ZFHX4: variants seen among roughly 807,000 people sequenced by gnomAD.
The protein encoded by ZFHX4 is zinc finger homeobox 4.
A neutral mutation model predicts 267.6 loss-of-function variants in ZFHX4; 56 were observed. That is an observed-to-expected ratio of 0.21 (90% CI 0.17 to 0.26). The LOEUF (loss-of-function observed/expected upper bound fraction) is 0.26, where lower values mean the gene tolerates loss of function less well. ZFHX4 is among the 10% of genes least tolerant of loss of function. The probability of loss-of-function intolerance (pLI) is 1.00; values close to 1 mark genes in which losing one functional copy is unlikely to be tolerated. For missense variants in ZFHX4, 4,332 were observed against 4,420.0 expected (o/e 0.98, Z 0.56); for synonymous variants, 1,778 against 1,665.6 (o/e 1.07, Z -1.64).
At chr8:76,833,692 G>A (rs1811998825) in intron 5 of ZFHX4, 1 of 337,248 alleles carries the variant, frequency 3.0e-6, no homozygotes, top group African/African-American at 2.2e-5. Flanking sequence ...CTCCCCACCA[G>A]AGTGGTACAC....
intron 4 of ZFHX4, among the ~76,000 whole-genome samples, chr8:76,824,902 A>G (rs1811745252): frequency 6.6e-6 from 1 of 152,192 alleles, no homozygotes; most frequent in Non-Finnish European, 1.5e-5. Flanking sequence ...AAGCCTTTAC[A>G]AATTGATACA....
intron 1 of ZFHX4, among the ~76,000 whole-genome samples, chr8:76,689,198 A>G (rs1315624612): frequency 1.3e-5 from 2 of 152,164 alleles, no homozygotes; most frequent in Non-Finnish European, 2.9e-5. Context: ...AGAAGGGCTT[A>G]TTAAGGTATT....
intron 3 of ZFHX4, among the ~76,000 whole-genome samples, chr8:76,756,615 A>G (rs1809769975): frequency 1.3e-5 from 2 of 151,906 alleles, no homozygotes; most frequent in African/African-American, 4.8e-5. Flanking sequence ...AAATGGTCTA[A>G]TTGCCAACTT....
At chr8:76,727,765 A>G (rs1808891387) in intron 3 of ZFHX4, among the ~76,000 whole-genome samples, 1 of 152,200 alleles carries the variant, frequency 6.6e-6, no homozygotes. Flanking sequence ...TTGAATAGAT[A>G]AGTAGTGCCT....
chr8:76,847,673 A>G (rs1047306791), intron 6 of ZFHX4, among the ~76,000 whole-genome samples: 4 of 152,090 alleles, frequency 2.6e-5, no homozygotes, highest in Non-Finnish European at 2.9e-5. Flanking sequence ...CTGAATTTGA[A>G]ATTTCTGAAA....
rs544549759 is a variant in ZFHX4, at chr8:76,702,203, T to A, written c.-46-1840T>A. On this transcript the variant is annotated intron_variant, in intron 1 of 10. Transcript: ENST00000651372. ...AGCTCATCAATGATTAAAATTAAAATTACACACTAGGGTTTGTGATGTTTG... is the reference window on the plus strand; with the variant it reads ...AGCTCATCAATGATTAAAATTAAAAATACACACTAGGGTTTGTGATGTTTG... Among the ~76,000 whole-genome samples the A allele has an allele frequency of 2.2e-3, 328 of 152,286 alleles. 1 individual carries two copies. Among genetic ancestry groups the A allele is most frequent in the African/African-American group, 7.5e-3 (311 of 41,560 alleles).
intron 3 of ZFHX4, among the ~76,000 whole-genome samples, chr8:76,763,648 C>T (rs1027143816): frequency 1.3e-5 from 2 of 151,898 alleles, no homozygotes; most frequent in Non-Finnish European, 2.9e-5. Flanking sequence ...AACAGAAAAA[C>T]AAGTGATGTA....
chr8:76,800,510 C>T (rs1246718578), intron 4 of ZFHX4, among the ~76,000 whole-genome samples: 2 of 152,094 alleles, frequency 1.3e-5, no homozygotes, highest in South Asian at 2.1e-4. Context: ...TCTCTCTGCC[C>T]GTGGCAGCCA....
chr8:76,739,233 C>CT (rs1398298237), intron 3 of ZFHX4, among the ~76,000 whole-genome samples: 2 of 152,024 alleles, frequency 1.3e-5, no homozygotes, highest in African/African-American at 4.8e-5. Context: ...ATTGTGGTTC[C>CT]TTTTTTTAAA....
In ZFHX4 at chr8:76,795,543, C is replaced by CTT. The variant is rs1204209981; in HGVS notation, c.3325+17123_3325+17124dup. 5.8e-3 allele frequency among the ~76,000 whole-genome samples: 728 copies of CTT among 125,282 alleles called. 14 individuals carry two copies. Among genetic ancestry groups the CTT allele is most frequent in the African/African-American group, 0.018 (600 of 32,996 alleles). 82.2% of individuals were successfully genotyped at this position (125,282 alleles called of 152,430 possible). A position where few individuals can be genotyped will look rare whatever the true frequency, so the allele number is the denominator to read the frequency against. On this transcript the variant is annotated intron_variant, in intron 4 of 10. Coordinates refer to ENST00000651372, the MANE Select transcript of ZFHX4 (RefSeq NM_024721.5). ...TCTTCAGAACAAAAATGATCCAAGT[C>CTT]TTTTTTTTTTTTTTTTTTTTGAGAC...
chr8:76,756,924 A>G (rs1585913922), intron 3 of ZFHX4, among the ~76,000 whole-genome samples: 1 of 152,086 alleles, frequency 6.6e-6, no homozygotes. Context: ...TATATCCCCA[A>G]ATTAATATCA....
intron 4 of ZFHX4, among the ~76,000 whole-genome samples, chr8:76,828,543 A>G (rs567572611): frequency 1.3e-5 from 2 of 152,258 alleles, no homozygotes; most frequent in Non-Finnish European, 2.9e-5. Context: ...CCTAGCACCT[A>G]ACAAGTTTCC....
At chr8:76,715,211 G>A (rs1808532999) in intron 3 of ZFHX4, among the ~76,000 whole-genome samples, 1 of 152,064 alleles carries the variant, frequency 6.6e-6, no homozygotes, top group Admixed American at 6.6e-5. Flanking sequence ...AAAGAATGCA[G>A]GCCAGGCGTG....
rs374490299 is a variant in ZFHX4 at position 76,851,078 on chromosome 8, C to T, written c.4157C>T (p.Pro1386Leu). 33 of 1,613,904 alleles carry T rather than the reference C, an allele frequency of 2.0e-5. No individual in the cohort carries two copies. The East Asian group carries it at 2.5e-4, about 12-fold the overall frequency. The change falls in exon 10 of 11, where the codon CCG becomes CTG. Residue 1386 changes from proline to leucine, a missense_variant. This residue lies in a region of ZFHX4 where 1,371 missense variants were observed against 1,423.1 expected (regional missense o/e 0.96). Coordinates refer to ENST00000651372, the MANE Select transcript of ZFHX4 (RefSeq NM_024721.5). The stretch of plus-strand genomic sequence containing the variant: ...TTAAATGAACAGCAAAAAAGGCAAC[C>T]GCTCTCTGTTTCTGACCGTCATGTC... The part of the protein sequence containing the change: ...DQLNEQQKRQ[P>L]LSVSDRHVYK...
rs538106022 is a variant in ZFHX4 at position 76,851,983 on chromosome 8, C to T, written c.5062C>T (p.Pro1688Ser). Residue 1688 changes from proline to serine, a missense_variant, in exon 10 of 11, where the codon CCA becomes TCA. Physicochemically the swap from Pro to Ser is moderately conservative, Grantham distance 74. Around this residue, in one of 7 missense-constraint regions of ZFHX4, gnomAD observed 1,371 missense variants for 1,423.1 expected, o/e 0.96. Transcript: ENST00000651372. The part of the protein sequence containing the change: ...LISAQPAHHP[P>S]QSPAQIQMQL... Reference sequence around the variant, plus strand: ...CTCTGCTCAACCTGCACATCACCCACCACAGTCACCAGCACAAATTCAGAT... The same window carrying T: ...CTCTGCTCAACCTGCACATCACCCATCACAGTCACCAGCACAAATTCAGAT... The T allele has an allele frequency of 3.1e-6, 5 of 1,614,010 alleles. No homozygotes were observed. Among genetic ancestry groups the T allele is most frequent in the East Asian group, 2.2e-5 (1 of 44,876 alleles).
intron 2 of ZFHX4, among the ~76,000 whole-genome samples, 152 bp downstream of exon 2, chr8:76,706,830 C>T (rs1009654643): frequency 1.3e-5 from 2 of 152,222 alleles, no homozygotes; most frequent in Non-Finnish European, 2.9e-5. Flanking sequence ...AAACCATTTG[C>T]TCTTCTGCTT....
chr8:76,725,343 T>C (rs1003126254), intron 3 of ZFHX4, among the ~76,000 whole-genome samples: 2 of 152,148 alleles, frequency 1.3e-5, no homozygotes, highest in African/African-American at 4.8e-5. Flanking sequence ...GAACTACCAC[T>C]TCTGCAGATC....
intron 4 of ZFHX4, among the ~76,000 whole-genome samples, chr8:76,806,082 C>T (rs1811237351): frequency 6.6e-6 from 1 of 152,060 alleles, no homozygotes. Context: ...TTATAGGAAT[C>T]ACTGGGTTTG....
intron 3 of ZFHX4, among the ~76,000 whole-genome samples, chr8:76,720,918 C>T: frequency 6.6e-6 from 1 of 152,192 alleles, no homozygotes; most frequent in Middle Eastern, 3.2e-3. Flanking sequence ...ACAGTGATAA[C>T]TCAGTCAGGA....
Sources: allele counts gnomAD v4.1 joint callset (sites outside exome capture counted in the v4.1 genomes callset), GRCh38; gene constraint gnomAD v4.1.1; regional missense constraint gnomAD v4.1.1; transcripts MANE v1.5; gene names NCBI Gene and HGNC (gene_info 2026-07-23, HGNC 2026-07-21).